The following GLI3 variants were observed in gnomAD, a reference collection of about 807,000 sequenced individuals.
The protein encoded by GLI3 is GLI family zinc finger 3, also known as transcription activator GLI3.
GLI3 carries 20 observed loss-of-function variants against 100.8 expected under a neutral mutation model. The ratio of observed to expected loss-of-function variants is 0.20; its 90% CI spans 0.14 to 0.29. The LOEUF is 0.29. Ranked by LOEUF, GLI3 falls within the 10% of genes least tolerant of loss-of-function variation. GLI3 has a pLI of 1.00. For missense variants in GLI3, 2,040 were observed against 2,128.5 expected, an observed-to-expected ratio of 0.96 and a Z score of 0.82; for synonymous variants, 938 against 860.5, an observed-to-expected ratio of 1.09 and a Z score of -1.58.
intron 3 of GLI3, among the ~76,000 whole-genome samples, chr7:42,123,221 A>T (rs1583577139): frequency 6.6e-6 from 1 of 152,196 alleles, no homozygotes; most frequent in East Asian, 1.9e-4. Flanking sequence ...CTATTTTCAC[A>T]TTTCCGGAGA....
intron 1 of GLI3, among the ~76,000 whole-genome samples, chr7:42,228,419 G>T (rs771456683): frequency 5.3e-5 from 8 of 152,244 alleles, no homozygotes; most frequent in African/African-American, 1.2e-4. Context: ...GAGCTCCAGC[G>T]CCAGCAGCGC....
chr7:41,973,109 T>C lies in GLI3; in HGVS notation c.1813-482A>G, dbSNP rs537063136. Among the ~76,000 whole-genome samples the C allele has an allele frequency of 4.6e-5, 7 of 152,374 alleles. No homozygotes were observed. The South Asian group carries it at 1.4e-3, about 32-fold the overall frequency. The stretch of plus-strand genomic sequence containing the variant: ...CTGGTTGTGAGATCTAATATCACTC[T>C]GATCCTTTTGAAAATGTGCTATTTA... On this transcript the variant is annotated intron_variant, in intron 12 of 14. Transcript: ENST00000395925.
chr7:41,962,241 C>T lies in GLI3; in HGVS notation c.*2089G>A, dbSNP rs865942966. The T allele has an allele frequency of 6.6e-6, 1 of 152,180 alleles. No homozygotes were observed. Among genetic ancestry groups the T allele is most frequent in the Admixed American group, 6.5e-5 (1 of 15,270 alleles). 9.4% of individuals were successfully genotyped at this position (152,180 alleles called of 1,614,324 possible). A position where few individuals can be genotyped will look rare whatever the true frequency, so the allele number is the denominator to read the frequency against. On this transcript the variant is annotated 3_prime_UTR_variant, in exon 15 of 15. Transcript: ENST00000395925. ...TAGGAGGAGTGGAGAACACTCAGGC[C>T]CCATGCTTTGAAAACAAGAGTTGGA...
At chr7:42,157,278 G>T (rs1208782879) in intron 2 of GLI3, among the ~76,000 whole-genome samples, 1 of 152,212 alleles carries the variant, frequency 6.6e-6, no homozygotes, top group Non-Finnish European at 1.5e-5. Context: ...ACCACCTTTT[G>T]ATTCTTCACA....
At chr7:42,208,851 A>G (rs897642658) in intron 2 of GLI3, among the ~76,000 whole-genome samples, 3 of 152,194 alleles carry the variant, frequency 2.0e-5, no homozygotes, top group Non-Finnish European at 4.4e-5. Flanking sequence ...TCTTCCAGGA[A>G]GATGAGTATA....
At chr7:42,031,698 A>G (rs2128734833) in intron 7 of GLI3, among the ~76,000 whole-genome samples, 1 of 152,366 alleles carries the variant, frequency 6.6e-6, no homozygotes, top group East Asian at 1.9e-4. Flanking sequence ...GTTGTTAGAT[A>G]GCTTACTAAC....
At chr7:42,241,948 C>G (rs758659475), upstream of GLI3, among the ~76,000 whole-genome samples, 4 of 152,148 alleles carry the variant, frequency 2.6e-5, no homozygotes, top group Non-Finnish European at 1.5e-5. Context: ...TTTTCTGTAT[C>G]CCGCTTTTTC....
chr7:42,068,648 CAAT>C (rs543142236), intron 4 of GLI3, among the ~76,000 whole-genome samples: 24 of 152,302 alleles, frequency 1.6e-4, no homozygotes, highest in South Asian at 6.2e-4. Context: ...ACAATAACAA[CAAT>C]GAGTGACAGG....
rs766808299 is a variant in GLI3, at chr7:42,228,117, G to A, written c.-42-4822C>T. 9.1e-4 allele frequency among the ~76,000 whole-genome samples: 139 copies of A among 152,142 alleles called. 3 individuals carry two copies. Among genetic ancestry groups the A allele is most frequent in the Admixed American group, 3.2e-3 (49 of 15,294 alleles). ...GTGGGTTCATTAGCGGGCGCGCCGG[G>A]CCCGCGCAGCGCTGTCTGCAGCCGC... On this transcript the variant is annotated intron_variant, in intron 1 of 14. Coordinates refer to ENST00000395925, the MANE Select transcript of GLI3 (RefSeq NM_000168.6).
At chr7:42,051,439 C>CAT (rs775383985) in intron 4 of GLI3, among the ~76,000 whole-genome samples, 2 of 152,108 alleles carry the variant, frequency 1.3e-5, no homozygotes, top group African/African-American at 2.4e-5. Context: ...CACACACACA[C>CAT]ATATATACAA....
At chr7:42,253,334 C>A (rs1789052512) in intron 1 of GLI3, among the ~76,000 whole-genome samples, 1 of 152,186 alleles carries the variant, frequency 6.6e-6, no homozygotes, top group Admixed American at 6.5e-5. Flanking sequence ...GACATCCAAG[C>A]CTGGTGTGCT....
Position 41,972,922 on chromosome 7 carries a change from A to G in GLI3, c.1813-295T>C, listed in dbSNP as rs1466967263. On this transcript the variant is annotated intron_variant, in intron 12 of 14. Coordinates refer to ENST00000395925, the MANE Select transcript of GLI3 (RefSeq NM_000168.6). This position sits in a 1 kb window ranked among gnomAD's most constrained non-coding sequence, Gnocchi z 4.4. ...GGAAGCATTTACACTGTGAGTGAGA[A>G]GTATCACGGTGCCATAATAGGCACT... Among the ~76,000 whole-genome samples, 1 of 152,158 alleles carries G rather than the reference A, an allele frequency of 6.6e-6. No homozygotes were observed. Among genetic ancestry groups the G allele is most frequent in the Non-Finnish European group, 1.5e-5 (1 of 68,018 alleles).
chr7:41,972,435 T>G lies in GLI3; in HGVS notation c.2005A>C (p.Thr669Pro), dbSNP rs758883352. 4 of 1,613,602 alleles carry G rather than the reference T, an allele frequency of 2.5e-6. No individual in the cohort carries two copies. In the East Asian group the frequency reaches 8.9e-5, roughly 36 times the overall value. ...HSQSRSPGRPTQGALGEQQDL... is the reference protein window; with the variant it reads ...HSQSRSPGRPPQGALGEQQDL... The stretch of plus-strand genomic sequence containing the variant: ...TGCTGCTCACCAAGGGCTCCCTGAG[T>G]CGGTCGGCCAGGCGACCTGGACTGT... The change falls in exon 13 of 15, where the codon ACT (threonine) becomes CCT (proline). Residue 669 changes from threonine (T) to proline (P), a missense_variant. Physicochemically the swap from Thr to Pro is conservative, Grantham distance 38. This residue lies in a region of GLI3 where 327 missense variants were observed against 338.7 expected (regional missense o/e 0.97). Coordinates refer to ENST00000395925, the MANE Select transcript of GLI3 (RefSeq NM_000168.6). The surrounding 1 kb of genome is among the most constrained non-coding windows in gnomAD (Gnocchi z 4.4).
intron 3 of GLI3, among the ~76,000 whole-genome samples, chr7:42,105,949 T>A (rs958358791): frequency 9.2e-5 from 14 of 152,072 alleles, no homozygotes; most frequent in African/African-American, 3.4e-4. Context: ...CACCAGGAAA[T>A]CAAATTTCTC....
chr7:42,129,666 C>T (rs1309766467), intron 3 of GLI3, among the ~76,000 whole-genome samples: 1 of 152,126 alleles, frequency 6.6e-6, no homozygotes, highest in Non-Finnish European at 1.5e-5. Context: ...AAAAAATTAG[C>T]TGGGTGAGGT....
intron 1 of GLI3, among the ~76,000 whole-genome samples, chr7:42,248,220 T>A (rs1298844646): frequency 6.6e-6 from 1 of 152,178 alleles, no homozygotes; most frequent in Non-Finnish European, 1.5e-5. Context: ...CCTCAATGCA[T>A]CCCTAGAAAC....
At chr7:42,016,147 A>G (rs1398253456) in intron 10 of GLI3, among the ~76,000 whole-genome samples, 2 of 152,178 alleles carry the variant, frequency 1.3e-5, no homozygotes, top group Non-Finnish European at 2.9e-5. Flanking sequence ...ATCTGCCCTT[A>G]TGTGCTACAG....
Position 42,163,093 on chromosome 7 carries a change from C to A in GLI3, c.125-14625G>T, listed in dbSNP as rs149961125. On this transcript the variant is annotated intron_variant, in intron 2 of 14. Coordinates refer to ENST00000395925, the MANE Select transcript of GLI3 (RefSeq NM_000168.6). ...AGATATCTTCCATCCAAACACTGAT[C>A]TTTTGCAATACTGACCTCCTTCTGT... is the stretch of plus-strand genomic sequence containing the variant. Among the ~76,000 whole-genome samples the A allele has an allele frequency of 8.6e-3, 1,228 of 142,844 alleles. 20 individuals are homozygous for A. The highest frequency in any genetic ancestry group is 0.03 in the African/African-American group (1,175 of 38,760). 93.7% of individuals were successfully genotyped at this position (142,844 alleles called of 152,430 possible).
At chr7:42,058,738 C>A (rs1466932324) in intron 4 of GLI3, among the ~76,000 whole-genome samples, 1 of 152,174 alleles carries the variant, frequency 6.6e-6, no homozygotes, top group Non-Finnish European at 1.5e-5. Context: ...GTTCTTCCAA[C>A]AACTGAAACA....
Sources: gnomAD v4.1 joint callset for allele counts (sites outside exome capture counted in the v4.1 genomes callset) on GRCh38, gnomAD v4.1.1 for gene constraint, gnomAD v4.1.1 regional missense constraint, Gnocchi (gnomAD v3.1) non-coding constraint, MANE v1.5 for transcripts, NCBI Gene and HGNC (gene_info 2026-07-23, HGNC 2026-07-21) for gene names.